The following ATXN2 variants were observed in gnomAD, a reference collection of about 807,000 sequenced individuals.
ATXN2 encodes ataxin 2.
ATXN2 carries 37 observed loss-of-function variants against 138.6 expected under a neutral mutation model. The ratio of observed to expected loss-of-function variants is 0.27; its 90% CI spans 0.21 to 0.35. ATXN2 has a LOEUF of 0.35. Ranked by LOEUF, ATXN2 falls within the 10% of genes least tolerant of loss-of-function variation. The pLI is 1.00. For synonymous variants in ATXN2, 549 were observed against 543.7 expected, an observed-to-expected ratio of 1.01 and a Z score of -0.13; for missense variants, 1,216 against 1,480.3, an observed-to-expected ratio of 0.82 and a Z score of 2.93.
At chr12:111,568,876 T>C (rs1241171073) in intron 1 of ATXN2, among the ~76,000 whole-genome samples, 1 of 152,210 alleles carries the variant, frequency 6.6e-6, no homozygotes, top group Non-Finnish European at 1.5e-5. Flanking sequence ...ACATTATTAT[T>C]AGAAAGGGAA....
chr12:111,454,822 T>C, intron 23 of ATXN2: 1 of 511,102 alleles, frequency 2.0e-6, no homozygotes, highest in Admixed American at 3.2e-5. Context: ...CTGACTTACA[T>C]GTAAGTTCAC....
intron 1 of ATXN2, among the ~76,000 whole-genome samples, chr12:111,580,732 G>C (rs933437981): frequency 6.8e-6 from 1 of 147,848 alleles, no homozygotes; most frequent in Non-Finnish European, 1.5e-5. Flanking sequence ...GAGAGACAGA[G>C]AAAGAAAAAG....
At chr12:111,553,436 A>C (rs1302526541) in intron 3 of ATXN2, among the ~76,000 whole-genome samples, 2 of 151,788 alleles carry the variant, frequency 1.3e-5, no homozygotes, top group Non-Finnish European at 2.9e-5. Context: ...AATACTTTAA[A>C]CTATCCCTAA....
In ATXN2 at chr12:111,598,084, G is replaced by A. The variant is rs764099554; in HGVS notation, c.251+700C>T. 7 of 1,135,144 alleles carry A rather than the reference G, an allele frequency of 6.2e-6. No homozygotes were observed. The African/African-American group carries it at 6.5e-5, about 11-fold the overall frequency. 70.3% of individuals were successfully genotyped at this position (1,135,144 alleles called of 1,614,324 possible). On this transcript the variant is annotated intron_variant, in intron 1 of 24. Coordinates refer to ENST00000673436, the MANE Select transcript of ATXN2 (RefSeq NM_001372574.1). This position sits in a 1 kb window ranked among gnomAD's most constrained non-coding sequence, Gnocchi z 4.5. ...GGGGGAGGGTGGAACGCTGCCGGAG[G>A]CCACATGGAGCCCCACGATTTCAGG...
chr12:111,530,808 C>T (rs1028533081), intron 5 of ATXN2, among the ~76,000 whole-genome samples: 5 of 151,676 alleles, frequency 3.3e-5, no homozygotes, highest in East Asian at 3.9e-4. Context: ...AGCGAGACTC[C>T]ATCTCAAAAA....
chr12:111,596,135 C>G (rs1412844925), intron 1 of ATXN2, among the ~76,000 whole-genome samples: 1 of 151,230 alleles, frequency 6.6e-6, no homozygotes, highest in African/African-American at 2.4e-5. Context: ...ACCCAGGAGA[C>G]AGAGACTGCA....
chr12:111,552,998 T>A lies in ATXN2; in HGVS notation c.349-21A>T. 1.3e-6 allele frequency: 2 copies of A among 1,490,026 alleles called. No homozygotes were observed. The highest frequency in any genetic ancestry group is 1.8e-6 in the Non-Finnish European group (2 of 1,107,184). 92.3% of individuals were successfully genotyped at this position (1,490,026 alleles called of 1,614,324 possible). ...GAGCCCTAAAAACATATAATTTATT[T>A]ATCAAAGAAACAGTATACTACCCGG... On this transcript the variant is annotated intron_variant, in intron 3 of 24. Coordinates refer to ENST00000673436, the MANE Select transcript of ATXN2 (RefSeq NM_001372574.1). This position sits in a 1 kb window ranked among gnomAD's most constrained non-coding sequence, Gnocchi z 4.1.
At chr12:111,575,003 T>C (rs1416855573) in intron 1 of ATXN2, among the ~76,000 whole-genome samples, 2 of 152,188 alleles carry the variant, frequency 1.3e-5, no homozygotes, top group Non-Finnish European at 2.9e-5. Context: ...AACAGGGCTA[T>C]GTGGTAATCA....
At position 111,552,314 on chromosome 12, in the gene ATXN2, C is replaced by T. The variant is rs569806098; in HGVS notation, c.537G>A (p.Gln179=). The change falls in exon 5 of 25, where the codon CAG becomes CAA. Residue 179 remains glutamine, a synonymous_variant. Coordinates refer to ENST00000673436, the MANE Select transcript of ATXN2 (RefSeq NM_001372574.1). This position sits in a 1 kb window ranked among gnomAD's most constrained non-coding sequence, Gnocchi z 4.1. ...CATAACTGGAGTCCATATCTTTAAA[C>T]TGTACCACAACAAAGTCTGAACATT... ...LFKCSDFVVV[Q]FKDMDSSYAK... 2.5e-6 allele frequency: 4 copies of T among 1,612,178 alleles called. No individual in the cohort carries two copies. In the East Asian group the frequency reaches 8.9e-5, roughly 36 times the overall value.
At chr12:111,473,622 C>A (rs1290872768) in intron 18 of ATXN2, among the ~76,000 whole-genome samples, 1 of 151,900 alleles carries the variant, frequency 6.6e-6, no homozygotes, top group Non-Finnish European at 1.5e-5. Context: ...CTAAAAAACA[C>A]ACCAAAAAAA....
intron 1 of ATXN2, among the ~76,000 whole-genome samples, chr12:111,560,949 G>A (rs1245394260): frequency 3.9e-5 from 6 of 152,170 alleles, no homozygotes; most frequent in Admixed American, 2.0e-4. Context: ...GATTGGCCAG[G>A]CGCCCTGACT....
intron 7 of ATXN2, among the ~76,000 whole-genome samples, 158 bp downstream of exon 7, chr12:111,520,724 C>T (rs1261436714): frequency 6.6e-6 from 1 of 151,914 alleles, no homozygotes; most frequent in Non-Finnish European, 1.5e-5. Context: ...CATTTATTCC[C>T]TTTTTTTAAT....
At chr12:111,558,139 G>C (rs2135793205) in intron 1 of ATXN2, among the ~76,000 whole-genome samples, 1 of 152,266 alleles carries the variant, frequency 6.6e-6, no homozygotes, top group Admixed American at 6.5e-5. Flanking sequence ...ACAGTAAAGT[G>C]CAGAAACCAC....
chr12:111,547,640 G>A (rs1230084213), intron 5 of ATXN2, among the ~76,000 whole-genome samples: 6 of 151,630 alleles, frequency 4.0e-5, no homozygotes, highest in Non-Finnish European at 7.4e-5. Context: ...TAGGAGAATC[G>A]CTTGAACCCA....
At position 111,470,571 on chromosome 12, in the gene ATXN2, T is replaced by G. The variant is rs761635755; in HGVS notation, c.2696A>C (p.His899Pro). 7 of 1,614,080 alleles carry G rather than the reference T, an allele frequency of 4.3e-6. No individual in the cohort carries two copies. The highest frequency in any genetic ancestry group is 5.9e-6 in the Non-Finnish European group (7 of 1,179,984). Residue 899 changes from histidine (H) to proline (P), a missense_variant, in exon 19 of 25, where the codon CAT becomes CCT. Around this residue, in one of 4 missense-constraint regions of ATXN2, gnomAD observed 490 missense variants for 653.5 expected, o/e 0.75. Transcript: ENST00000673436. ...PNQPLVQHVPHYQSQHPHVYS... is the reference protein window; with the variant it reads ...PNQPLVQHVPPYQSQHPHVYS... ...TACCAGCCTTACCTGAGACTGATAA[T>G]GTGGCACATGCTGAACAAGGGGCTG...
intron 5 of ATXN2, among the ~76,000 whole-genome samples, chr12:111,541,256 G>A (rs16934167): frequency 0.1 from 15,440 of 147,908 alleles, 2,775 homozygotes; most frequent in African/African-American, 0.36. Context: ...CTTTCCTCCA[G>A]AATTAAAGTG....
chr12:111,573,046 T>TA (rs979997904), intron 1 of ATXN2, among the ~76,000 whole-genome samples: 16 of 150,322 alleles, frequency 1.1e-4, no homozygotes, highest in East Asian at 3.9e-4. Flanking sequence ...TTCAAAATTT[T>TA]AAAAAAAAAA....
In ATXN2 at chr12:111,516,493, T is replaced by C; in HGVS notation, c.1166-130A>G. 2 of 876,430 alleles carry C rather than the reference T, an allele frequency of 2.3e-6. No homozygotes were observed. The highest frequency in any genetic ancestry group is 3.4e-6 in the Non-Finnish European group (2 of 582,220). 54.3% of individuals were successfully genotyped at this position (876,430 alleles called of 1,614,324 possible). On this transcript the variant is annotated intron_variant, in intron 9 of 24. Coordinates refer to ENST00000673436, the MANE Select transcript of ATXN2 (RefSeq NM_001372574.1). The surrounding 1 kb of genome is among the most constrained non-coding windows in gnomAD (Gnocchi z 5.0). ...ATTTTAACCCTTTGAGGACAGTCATTTGATTTGTGATAAGTTTTAGCATAA... is the reference window on the plus strand; with the variant it reads ...ATTTTAACCCTTTGAGGACAGTCATCTGATTTGTGATAAGTTTTAGCATAA...
rs924086213 is a variant in ATXN2, at chr12:111,456,021, G to A, written c.3270+8C>T. 1 of 1,613,290 alleles carries A rather than the reference G, an allele frequency of 6.2e-7. No homozygotes were observed. On this transcript the variant is annotated splice_region_variant and intron_variant, in intron 23 of 24. Coordinates refer to ENST00000673436, the MANE Select transcript of ATXN2 (RefSeq NM_001372574.1). ...CCTTCACAGAAAGTTGGCTAAAGCT[G>A]GTATTACCTGAGGTACGTGGGCCAT...
Sources: gnomAD v4.1 joint callset for allele counts (sites outside exome capture counted in the v4.1 genomes callset) on GRCh38, gnomAD v4.1.1 for gene constraint, gnomAD v4.1.1 regional missense constraint, Gnocchi (gnomAD v3.1) non-coding constraint, MANE v1.5 for transcripts, NCBI Gene and HGNC (gene_info 2026-07-23, HGNC 2026-07-21) for gene names.